OR3A2: variants seen among roughly 807,000 people sequenced by gnomAD.
OR3A2 encodes the protein olfactory receptor family 3 subfamily A member 2, also known as olfactory receptor 3A2.
For synonymous variants in OR3A2, 126 were observed against 159.3 expected, an observed-to-expected ratio of 0.79 and a Z score of 1.57; for missense variants, 318 against 392.8, an observed-to-expected ratio of 0.81 and a Z score of 1.61.
At chr17:3,290,622 A>G (rs2048856745) in intron 3 of OR3A2, among the ~76,000 whole-genome samples, 2 of 152,234 alleles carry the variant, frequency 1.3e-5, no homozygotes, top group Non-Finnish European at 2.9e-5. Flanking sequence ...AGTTGCCAGG[A>G]ATGGGCAATG....
chr17:3,312,651 G>C (rs548009114), intron 3 of OR3A2, among the ~76,000 whole-genome samples: 2 of 152,202 alleles, frequency 1.3e-5, no homozygotes, highest in Admixed American at 6.5e-5. Flanking sequence ...ATGAGATGGA[G>C]TTTCGCTCGG....
In OR3A2 at chr17:3,339,465, A is replaced by G. The variant is rs568830911; in HGVS notation, c.-178-3339T>C. 7.9e-4 allele frequency among the ~76,000 whole-genome samples: 121 copies of G among 152,276 alleles called. 1 individual carries two copies. The highest frequency in any genetic ancestry group is 1.5e-3 in the Non-Finnish European group (103 of 68,002). ...GATACGTTCCATCAGTACCTAGCTT[A>G]TTGAGTTTTTAGCATGAAAGGATGT... On this transcript the variant is annotated intron_variant, in intron 2 of 4. Coordinates refer to the OR3A2 transcript ENST00000573491.
At position 3,348,115 on chromosome 17, in the gene OR3A2, G is replaced by C. The variant is rs1396200836; in HGVS notation, c.-178-11989C>G. 2.1e-4 allele frequency among the ~76,000 whole-genome samples: 32 copies of C among 151,964 alleles called. 1 individual carries two copies. On this transcript the variant is annotated intron_variant, in intron 2 of 4. Transcript: ENST00000573491. ...TTGTTTGTTTTTTTCTTGTAAATTT[G>C]TTTGAGTTCATTGTAGATTCTGGAT...
intron 2 of OR3A2, among the ~76,000 whole-genome samples, chr17:3,347,083 G>T (rs2049371059): frequency 6.6e-6 from 1 of 152,040 alleles, no homozygotes; most frequent in Non-Finnish European, 1.5e-5. Context: ...TCATAGGATA[G>T]CTCTATTTCT....
intron 3 of OR3A2, chr17:3,291,959 T>G: frequency 6.2e-7 from 1 of 1,614,076 alleles, no homozygotes; most frequent in Non-Finnish European, 8.5e-7. Flanking sequence ...TACCTGCCAT[T>G]ATAAAACCCA....
At chr17:3,305,741 T>C (rs1347477271) in intron 3 of OR3A2, among the ~76,000 whole-genome samples, 2 of 152,246 alleles carry the variant, frequency 1.3e-5, no homozygotes, top group African/African-American at 2.4e-5. Flanking sequence ...AATAAAATTC[T>C]ATTAAATATC....
chr17:3,342,856 G>C (rs2049331119), intron 2 of OR3A2, among the ~76,000 whole-genome samples: 1 of 152,244 alleles, frequency 6.6e-6, no homozygotes, highest in African/African-American at 2.4e-5. Flanking sequence ...AGTTTCTGCT[G>C]CCTTTTGTTC....
chr17:3,356,116 A>G (rs1387580529), intron 2 of OR3A2, among the ~76,000 whole-genome samples: 1 of 151,476 alleles, frequency 6.6e-6, no homozygotes, highest in Non-Finnish European at 1.5e-5. Flanking sequence ...AAAAGAAATA[A>G]CTAATAAAAA....
At chr17:3,361,546 G>A (rs368063348) in intron 2 of OR3A2, among the ~76,000 whole-genome samples, 1 of 151,672 alleles carries the variant, frequency 6.6e-6, no homozygotes, top group East Asian at 1.9e-4. Context: ...GATATTGGCT[G>A]TGGGTTTGTC....
intron 3 of OR3A2, among the ~76,000 whole-genome samples, chr17:3,304,621 G>A (rs143339328): frequency 6.6e-6 from 1 of 152,324 alleles, no homozygotes; most frequent in African/African-American, 2.4e-5. Flanking sequence ...CATGGCCAGA[G>A]TAGTTTTCTA....
At chr17:3,385,523 AG>A (rs1326529673) in intron 1 of OR3A2, among the ~76,000 whole-genome samples, 12 of 152,204 alleles carry the variant, frequency 7.9e-5, no homozygotes, top group Admixed American at 3.3e-4. Context: ...ATTATATGCC[AG>A]GCACTGTGCG....
Position 3,355,118 on chromosome 17 carries a change from C to A in OR3A2, c.-178-18992G>T, listed in dbSNP as rs145999391. On this transcript the variant is annotated intron_variant, in intron 2 of 4. Transcript: ENST00000573491. ...AGTTCACATAGTTTCCAAAATTCTT[C>A]TTATTATTGATTTCTACTTTTATTC... 4.0e-3 allele frequency among the ~76,000 whole-genome samples: 602 copies of A among 151,324 alleles called. 19 individuals are homozygous for A. The highest frequency in any genetic ancestry group is 0.014 in the African/African-American group (563 of 41,028).
intron 3 of OR3A2, among the ~76,000 whole-genome samples, chr17:3,333,226 G>T (rs547349571): frequency 7.9e-5 from 12 of 152,236 alleles, no homozygotes; most frequent in East Asian, 1.9e-4. Flanking sequence ...ATACGCCCTG[G>T]TCTCCTGTAG....
At chr17:3,348,958 A>G (rs1324593828) in intron 2 of OR3A2, among the ~76,000 whole-genome samples, 1 of 152,080 alleles carries the variant, frequency 6.6e-6, no homozygotes, top group Non-Finnish European at 1.5e-5. Flanking sequence ...GAGAAATAAA[A>G]TACTTTACAG....
chr17:3,373,483 TAC>T (rs1461460837), intron 2 of OR3A2, among the ~76,000 whole-genome samples: 5 of 152,252 alleles, frequency 3.3e-5, no homozygotes, highest in Admixed American at 6.5e-5. Context: ...CAGTGTTCGG[TAC>T]ATATATAGTT....
At chr17:3,365,455 T>G (rs571100952) in intron 2 of OR3A2, among the ~76,000 whole-genome samples, 94 of 152,204 alleles carry the variant, frequency 6.2e-4, no homozygotes, top group Non-Finnish European at 9.7e-4. Flanking sequence ...CTTTTGCCCC[T>G]TACAATCAGT....
intron 3 of OR3A2, among the ~76,000 whole-genome samples, chr17:3,307,567 G>A (rs2049008191): frequency 6.6e-6 from 1 of 152,182 alleles, no homozygotes; most frequent in Non-Finnish European, 1.5e-5. Context: ...AAAGTAGATG[G>A]TCCTGTTCTA....
chr17:3,370,104 A>G (rs1356209015), intron 2 of OR3A2, among the ~76,000 whole-genome samples: 1 of 152,046 alleles, frequency 6.6e-6, no homozygotes, highest in Non-Finnish European at 1.5e-5. Flanking sequence ...TGCCCAGCCC[A>G]ATTCTTCTTT....
chr17:3,310,568 C>T, intron 3 of OR3A2: 1 of 536,514 alleles, frequency 1.9e-6, no homozygotes, highest in East Asian at 5.4e-5. Context: ...CCATGCTGAG[C>T]CATTTCATAT....
Sources: allele counts gnomAD v4.1 joint callset (sites outside exome capture counted in the v4.1 genomes callset), GRCh38; gene constraint gnomAD v4.1.1; transcripts MANE v1.5; gene names NCBI Gene and HGNC (gene_info 2026-07-23, HGNC 2026-07-21).